ULK4: variants seen among roughly 807,000 people sequenced by gnomAD.
ULK4 encodes the protein unc-51 like kinase 4, also known as inactive serine/threonine-protein kinase ULK4.
Under a neutral mutation model 160.6 loss-of-function variants are expected in ULK4, and 133 were observed. The ratio of observed to expected loss-of-function variants is 0.83; its 90% CI spans 0.72 to 0.96. The LOEUF is 0.96. Among genes scored for constraint, ULK4 ranks in the 40% least tolerant of loss-of-function variants. The probability of loss-of-function intolerance (pLI) is 0.00; values close to 1 mark genes in which losing one functional copy is unlikely to be tolerated. For missense variants in ULK4, 1,580 were observed against 1,499.5 expected (o/e 1.05, Z -0.89); for synonymous variants, 534 against 539.8 (o/e 0.99, Z 0.15).
In ULK4 at chr3:41,529,698, G is replaced by C. The variant is rs2086236994; in HGVS notation, c.3226+36327C>G. ...AGTAGAGGCAGGGTTTCGCCATGTT[G>C]GTCAGGCTGGTCTCGAACTCCTGGC... On this transcript the variant is annotated intron_variant, in intron 32 of 36. Coordinates refer to ENST00000301831, the MANE Select transcript of ULK4 (RefSeq NM_017886.4). Among the ~76,000 whole-genome samples, 7 of 152,244 alleles carry C rather than the reference G, an allele frequency of 4.6e-5. No individual in the cohort carries two copies. In the South Asian group the frequency reaches 1.5e-3, roughly 32 times the overall value.
chr3:41,309,959 G>A (rs1179693360), intron 35 of ULK4, among the ~76,000 whole-genome samples: 3 of 151,860 alleles, frequency 2.0e-5, no homozygotes, highest in Non-Finnish European at 2.9e-5. Flanking sequence ...AACACTAGAT[G>A]ACAATAACAT....
chr3:41,653,390 GT>G (rs1467864676), intron 30 of ULK4, among the ~76,000 whole-genome samples: 1 of 152,262 alleles, frequency 6.6e-6, no homozygotes, highest in African/African-American at 2.4e-5. Flanking sequence ...ACTGGCCCTG[GT>G]TCTTCCTCAC....
chr3:41,602,528 G>A (rs2032163839), intron 31 of ULK4, among the ~76,000 whole-genome samples: 2 of 152,128 alleles, frequency 1.3e-5, no homozygotes, highest in Non-Finnish European at 2.9e-5. Flanking sequence ...AGCTATGTAA[G>A]AACTTAACAA....
chr3:41,826,466 C>G (rs1246528214), intron 18 of ULK4, among the ~76,000 whole-genome samples: 1 of 151,718 alleles, frequency 6.6e-6, no homozygotes, highest in Non-Finnish European at 1.5e-5. Flanking sequence ...GGAGGAAGAT[C>G]TACAAAGCAA....
At chr3:41,922,151 G>A (rs1041050945) in intron 5 of ULK4, among the ~76,000 whole-genome samples, 3 of 152,032 alleles carry the variant, frequency 2.0e-5, no homozygotes, top group African/African-American at 7.2e-5. Flanking sequence ...AGACTCCATC[G>A]CAAATAAAAT....
At chr3:41,724,361 T>C (rs984585612) in intron 22 of ULK4, among the ~76,000 whole-genome samples, 14 of 152,200 alleles carry the variant, frequency 9.2e-5, no homozygotes, top group African/African-American at 2.2e-4. Context: ...TTCAGTTTCA[T>C]AGACACTGAT....
At chr3:41,842,139 C>CAA (rs60925540) in intron 17 of ULK4, among the ~76,000 whole-genome samples, 5,493 of 68,346 alleles carry the variant, frequency 0.08, 281 homozygotes, top group East Asian at 0.23. Flanking sequence ...TCAATAAATA[C>CAA]AAAAAAAAAA....
chr3:41,697,080 T>C (rs1334590360), intron 27 of ULK4, among the ~76,000 whole-genome samples: 1 of 152,182 alleles, frequency 6.6e-6, no homozygotes, highest in Admixed American at 6.5e-5. Flanking sequence ...AGATAATAAA[T>C]TTGTGTTGTT....
chr3:41,920,918 C>T (rs1211784220), intron 5 of ULK4, among the ~76,000 whole-genome samples: 3 of 152,206 alleles, frequency 2.0e-5, no homozygotes. Context: ...CACCCTTGCA[C>T]TCTGTCCAAC....
At chr3:41,714,961 T>A (rs1415694672) in intron 25 of ULK4, among the ~76,000 whole-genome samples, 1 of 152,174 alleles carries the variant, frequency 6.6e-6, no homozygotes, top group African/African-American at 2.4e-5. Flanking sequence ...TATTTTTTCA[T>A]GATGTTTAAT....
chr3:41,831,655 G>T (rs1228340576), intron 18 of ULK4, among the ~76,000 whole-genome samples: 1 of 151,478 alleles, frequency 6.6e-6, no homozygotes. Context: ...TAGGTTTTAA[G>T]CCCCAAATGC....
rs1389280754 is a variant in ULK4, at chr3:41,865,473, A to G, written c.1656+18401T>C. ...CTTATGTAACTCAAAAGTAAAAAAG[A>G]TGACCATTTTCTCCTTCACAGAACA... On this transcript the variant is annotated intron_variant, in intron 17 of 36. Coordinates refer to ENST00000301831, the MANE Select transcript of ULK4 (RefSeq NM_017886.4). Among the ~76,000 whole-genome samples, 3 of 152,014 alleles carry G rather than the reference A, an allele frequency of 2.0e-5. No homozygotes were observed. The East Asian group carries it at 5.8e-4, about 29-fold the overall frequency.
intron 5 of ULK4, among the ~76,000 whole-genome samples, chr3:41,929,810 AC>A (rs753417226): frequency 2.2e-4 from 34 of 152,282 alleles, no homozygotes; most frequent in Non-Finnish European, 4.0e-4. Context: ...CAAGGAGACT[AC>A]AAACCTCTGC....
At chr3:41,608,104 T>A (rs1200087280) in intron 31 of ULK4, among the ~76,000 whole-genome samples, 2 of 152,212 alleles carry the variant, frequency 1.3e-5, no homozygotes, top group African/African-American at 4.8e-5. Context: ...CCCTATTGAC[T>A]TTGTATCAGT....
At chr3:41,789,636 G>A (rs933088330) in intron 21 of ULK4, 25 bp downstream of exon 21, 1 of 1,531,444 alleles carries the variant, frequency 6.5e-7, no homozygotes, top group South Asian at 1.3e-5. Context: ...TTAATGTAGA[G>A]TAACAGGTAA....
At chr3:41,457,321 T>A (rs1185927426) in intron 33 of ULK4, among the ~76,000 whole-genome samples, 1 of 152,122 alleles carries the variant, frequency 6.6e-6, no homozygotes, top group Non-Finnish European at 1.5e-5. Flanking sequence ...TCCACCAGGA[T>A]GTCCCATGGT....
intron 21 of ULK4, among the ~76,000 whole-genome samples, chr3:41,766,318 ATATC>A (rs2039161816): frequency 6.6e-6 from 1 of 152,224 alleles, no homozygotes; most frequent in South Asian, 2.1e-4. Context: ...GGAAGGAAAA[ATATC>A]TACTACATAC....
intron 22 of ULK4, among the ~76,000 whole-genome samples, chr3:41,748,858 G>T (rs2038513914): frequency 6.6e-6 from 1 of 152,130 alleles, no homozygotes; most frequent in Non-Finnish European, 1.5e-5. Flanking sequence ...TCTTGTAGAT[G>T]ATTCCATGGC....
At chr3:41,387,890 G>C (rs2081858180) in intron 35 of ULK4, among the ~76,000 whole-genome samples, 1 of 152,212 alleles carries the variant, frequency 6.6e-6, no homozygotes. Flanking sequence ...TATATACCCA[G>C]TAATGGGATG....
Sources: allele counts gnomAD v4.1 joint callset (sites outside exome capture counted in the v4.1 genomes callset), GRCh38; gene constraint gnomAD v4.1.1; transcripts MANE v1.5; gene names NCBI Gene and HGNC (gene_info 2026-07-23, HGNC 2026-07-21).